Variants in UBAC2 observed in about 807,000 individuals in gnomAD.
UBAC2 encodes ubiquitin-associated domain-containing protein 2.
Under a neutral mutation model 44.0 loss-of-function variants are expected in UBAC2, and 26 were observed. The observed-to-expected ratio is 0.59, with a 90% confidence interval of 0.43 to 0.82. The LOEUF is 0.82. Among genes scored for constraint, UBAC2 ranks in the 40% least tolerant of loss-of-function variants. The probability of loss-of-function intolerance (pLI) is 0.00; values close to 1 mark genes in which losing one functional copy is unlikely to be tolerated. For synonymous variants in UBAC2, 155 were observed against 154.3 expected (o/e 1.00, Z -0.04); for missense variants, 329 against 419.4 (o/e 0.78, Z 1.88).
At chr13:99,340,262 G>A (rs2044863984) in intron 6 of UBAC2, 58 bp from the exon 7 acceptor site, 2 of 1,586,218 alleles carry the variant, frequency 1.3e-6, no homozygotes, top group Non-Finnish European at 1.7e-6. Flanking sequence ...TTTGAGTCGT[G>A]TACATTTTTT....
intron 4 of UBAC2, chr13:99,255,588 C>G (rs761669083): frequency 6.8e-6 from 11 of 1,614,196 alleles, no homozygotes; most frequent in Non-Finnish European, 9.3e-6. Flanking sequence ...CTCCAAGAAT[C>G]TGGCAGAAGT....
At chr13:99,204,161 A>G (rs2042839633) in intron 1 of UBAC2, among the ~76,000 whole-genome samples, 1 of 152,178 alleles carries the variant, frequency 6.6e-6, no homozygotes, top group African/African-American at 2.4e-5. Context: ...AATATTTTCC[A>G]GGTATAGTTC....
At chr13:99,365,196 C>G (rs1248584754) in intron 7 of UBAC2, among the ~76,000 whole-genome samples, 1 of 152,072 alleles carries the variant, frequency 6.6e-6, no homozygotes, top group Non-Finnish European at 1.5e-5. Context: ...TGTGCTCCTT[C>G]CTTTGTCTTT....
intron 4 of UBAC2, among the ~76,000 whole-genome samples, chr13:99,271,651 T>G (rs2043817376): frequency 6.6e-6 from 1 of 152,242 alleles, no homozygotes; most frequent in African/African-American, 2.4e-5. Context: ...ACTTAGAGTT[T>G]TTAAATTGTT....
At chr13:99,356,314 C>T (rs957738706) in intron 7 of UBAC2, 6 of 437,504 alleles carry the variant, frequency 1.4e-5, no homozygotes, top group African/African-American at 9.9e-5. Flanking sequence ...ACAGGCAAGG[C>T]GTGTGGCCTT....
chr13:99,223,419 C>T (rs2043072818), intron 1 of UBAC2, among the ~76,000 whole-genome samples: 1 of 151,736 alleles, frequency 6.6e-6, no homozygotes, highest in East Asian at 1.9e-4. Flanking sequence ...CAAGAACCAG[C>T]TTTGAGTTTC....
intron 4 of UBAC2, chr13:99,261,535 A>T (rs1237639549): frequency 6.6e-6 from 1 of 152,136 alleles, no homozygotes; most frequent in African/African-American, 2.4e-5. Flanking sequence ...TTGTATTGTA[A>T]ATTTAATATT....
intron 4 of UBAC2, among the ~76,000 whole-genome samples, chr13:99,252,916 A>C (rs1481384027): frequency 6.6e-6 from 1 of 152,028 alleles, no homozygotes; most frequent in Non-Finnish European, 1.5e-5. Flanking sequence ...TTATCAAGAC[A>C]AGCTATGGCA....
chr13:99,225,529 C>A (rs1021122383), intron 1 of UBAC2, among the ~76,000 whole-genome samples: 5 of 152,190 alleles, frequency 3.3e-5, no homozygotes, highest in African/African-American at 1.2e-4. Flanking sequence ...TATGTGTATG[C>A]CACATTTTGT....
At chr13:99,296,537 G>A (rs867361202) in intron 4 of UBAC2, among the ~76,000 whole-genome samples, 1 of 152,122 alleles carries the variant, frequency 6.6e-6, no homozygotes, top group Non-Finnish European at 1.5e-5. Flanking sequence ...GTTAAGTAAA[G>A]CACCCCACAT....
chr13:99,206,327 A>G (rs891042164), intron 1 of UBAC2, among the ~76,000 whole-genome samples: 6 of 152,222 alleles, frequency 3.9e-5, no homozygotes, highest in Non-Finnish European at 7.3e-5. Context: ...CCATTCCAGC[A>G]TGTAAGGGAT....
chr13:99,355,007 C>T (rs1424458967), intron 7 of UBAC2, among the ~76,000 whole-genome samples: 3 of 151,574 alleles, frequency 2.0e-5, no homozygotes, highest in East Asian at 1.9e-4. Context: ...CCACGGTGAA[C>T]GCAGATAGGC....
chr13:99,337,869 C>T (rs2044813642), intron 6 of UBAC2, among the ~76,000 whole-genome samples: 1 of 152,042 alleles, frequency 6.6e-6, no homozygotes, highest in African/African-American at 2.4e-5. Context: ...CTCTACTTCT[C>T]TCCTCCTTCC....
rs1566509471 is a variant in UBAC2, at chr13:99,338,039, C to CTTTTTTCTTTTTTTTTTTTTTT, written c.562-2275_562-2274insCTTTTTTTTTTTTTTTTTTTTT. On this transcript the variant is annotated intron_variant, in intron 6 of 8. Coordinates refer to ENST00000403766, the MANE Select transcript of UBAC2 (RefSeq NM_001144072.2). Reference sequence around the variant, plus strand: ...GCAAAAAAATCTCCTAACTTTTTTTCTTTTTTTCTTTTTTTTTTTTTTTTT... The same window carrying CTTTTTTCTTTTTTTTTTTTTTT: ...GCAAAAAAATCTCCTAACTTTTTTTCTTTTTTCTTTTTTTTTTTTTTTTTTTTTTCTTTTTTTTTTTTTTTTT... Among the ~76,000 whole-genome samples the CTTTTTTCTTTTTTTTTTTTTTT allele has an allele frequency of 8.3e-4, 76 of 91,542 alleles. 7 individuals are homozygous for CTTTTTTCTTTTTTTTTTTTTTT. The highest frequency in any genetic ancestry group is 2.3e-3 in the South Asian group (5 of 2,184). The allele number at this position is 91,542 out of a possible 152,430, so 60.1% of individuals were successfully genotyped here. A position where few individuals can be genotyped will look rare whatever the true frequency, so the allele number is the denominator to read the frequency against.
At chr13:99,360,785 G>T (rs996588328) in intron 7 of UBAC2, among the ~76,000 whole-genome samples, 11 of 152,142 alleles carry the variant, frequency 7.2e-5, no homozygotes, top group African/African-American at 2.2e-4. Flanking sequence ...TAGTCCTTTT[G>T]ATTTAGGCCT....
chr13:99,297,485 C>T (rs2044194126), intron 4 of UBAC2, among the ~76,000 whole-genome samples: 1 of 152,118 alleles, frequency 6.6e-6, no homozygotes, highest in Non-Finnish European at 1.5e-5. Context: ...ACTTGGATCT[C>T]AGCTAACTTC....
At chr13:99,227,210 A>C (rs898031646) in intron 1 of UBAC2, among the ~76,000 whole-genome samples, 6 of 151,088 alleles carry the variant, frequency 4.0e-5, no homozygotes, top group African/African-American at 1.2e-4. Context: ...AAAAAAAAAA[A>C]ACAACAAAAA....
chr13:99,361,732 C>A (rs539394565), intron 7 of UBAC2, among the ~76,000 whole-genome samples: 7 of 152,196 alleles, frequency 4.6e-5, no homozygotes, highest in Non-Finnish European at 8.8e-5. Flanking sequence ...TCCTGTCCCC[C>A]CTCCCCTCCT....
rs151109049 is a variant in UBAC2 at position 99,275,732 on chromosome 13, A to C, written c.389+31108A>C. 6.9e-3 allele frequency among the ~76,000 whole-genome samples: 1,053 copies of C among 151,982 alleles called. 12 individuals are homozygous for C. The highest frequency in any genetic ancestry group is 8.5e-3 in the Non-Finnish European group (579 of 67,964). On this transcript the variant is annotated intron_variant, in intron 4 of 8. Coordinates refer to ENST00000403766, the MANE Select transcript of UBAC2 (RefSeq NM_001144072.2). ...TTTGTTTTCTGCTTTTGATGTCAGG[A>C]GTTTTCCTTACATATCTCTAAGCCT... is the stretch of plus-strand genomic sequence containing the variant.
Sources: allele counts gnomAD v4.1 joint callset (sites outside exome capture counted in the v4.1 genomes callset), GRCh38; gene constraint gnomAD v4.1.1; transcripts MANE v1.5; gene names NCBI Gene and HGNC (gene_info 2026-07-23, HGNC 2026-07-21).